GALNT13: variants seen among roughly 807,000 people sequenced by gnomAD.
GALNT13 encodes the protein polypeptide N-acetylgalactosaminyltransferase 13.
A neutral mutation model predicts 64.2 loss-of-function variants in GALNT13; 28 were observed. The observed-to-expected ratio is 0.44, with a 90% CI of 0.32 to 0.60. The LOEUF (loss-of-function observed/expected upper bound fraction) is 0.60, where lower values mean the gene tolerates loss of function less well. GALNT13 is among the 20% of genes least tolerant of loss of function. The probability of loss-of-function intolerance (pLI) is 0.05; values close to 1 mark genes in which losing one functional copy is unlikely to be tolerated. For missense variants in GALNT13, 577 were observed against 669.8 expected, an observed-to-expected ratio of 0.86 and a Z score of 1.53; for synonymous variants, 214 against 224.6, an observed-to-expected ratio of 0.95 and a Z score of 0.42.
At chr2:153,598,824 T>C in the GALNT13 span, among the ~76,000 whole-genome samples, 35 of 152,026 alleles carry the variant, frequency 2.3e-4, no homozygotes, top group Middle Eastern at 3.2e-3. Context: ...AGAAAGAGGG[T>C]TTTATTCAAT....
intron 8 of GALNT13, among the ~76,000 whole-genome samples, chr2:154,293,656 A>G (rs909587783): frequency 1.3e-5 from 2 of 152,156 alleles, no homozygotes; most frequent in African/African-American, 4.8e-5. Flanking sequence ...AAGTATACAT[A>G]GCATGTGACA....
chr2:153,436,402 G>T, the GALNT13 span, among the ~76,000 whole-genome samples: 1 of 152,286 alleles, frequency 6.6e-6, no homozygotes, highest in East Asian at 1.9e-4. Context: ...CAGGAGGAAT[G>T]GTACCAGTTC....
chr2:153,571,145 T>C, the GALNT13 span, among the ~76,000 whole-genome samples: 1 of 152,014 alleles, frequency 6.6e-6, no homozygotes, highest in Non-Finnish European at 1.5e-5. Flanking sequence ...ATCAGTATTT[T>C]ACAGTTTTAA....
At chr2:153,121,570 T>C in the GALNT13 span, among the ~76,000 whole-genome samples, 73 of 152,302 alleles carry the variant, frequency 4.8e-4, no homozygotes, top group South Asian at 5.8e-3. Context: ...CTCACTCTGT[T>C]GCCCAGGCTG....
chr2:154,135,424 T>G (rs1438298116), intron 3 of GALNT13, among the ~76,000 whole-genome samples: 1 of 152,198 alleles, frequency 6.6e-6, no homozygotes, highest in African/African-American at 2.4e-5. Flanking sequence ...GGCTTGCTAT[T>G]TACAACTTTC....
At chr2:153,448,157 T>C in the GALNT13 span, among the ~76,000 whole-genome samples, 1 of 152,166 alleles carries the variant, frequency 6.6e-6, no homozygotes, top group African/African-American at 2.4e-5. Context: ...AGGGTACTGA[T>C]ATGGATAAAA....
intron 4 of GALNT13, among the ~76,000 whole-genome samples, chr2:154,145,777 T>G (rs1020278951): frequency 6.6e-6 from 1 of 151,962 alleles, no homozygotes; most frequent in Non-Finnish European, 1.5e-5. Flanking sequence ...AAAGTAGGAA[T>G]AAGACATAGT....
the GALNT13 span, among the ~76,000 whole-genome samples, chr2:153,194,127 T>C: frequency 6.6e-6 from 1 of 152,184 alleles, no homozygotes; most frequent in Non-Finnish European, 1.5e-5. Context: ...TATCTGTATG[T>C]CTAAATCCTT....
At chr2:153,682,685 G>C in the GALNT13 span, among the ~76,000 whole-genome samples, 2 of 151,726 alleles carry the variant, frequency 1.3e-5, no homozygotes, top group Non-Finnish European at 2.9e-5. Context: ...TGATGGCTTA[G>C]TTGTTATCTT....
chr2:153,471,690 T>C, the GALNT13 span, among the ~76,000 whole-genome samples: 1 of 152,210 alleles, frequency 6.6e-6, no homozygotes. Context: ...TTCAAGCCTA[T>C]GCAATACATA....
chr2:153,799,847 A>G, the GALNT13 span, among the ~76,000 whole-genome samples: 10 of 152,234 alleles, frequency 6.6e-5, no homozygotes, highest in Non-Finnish European at 1.5e-5. Flanking sequence ...GAGTCCTGAA[A>G]TGAGGAAATG....
Position 153,979,232 on chromosome 2 carries a change from T to C in GALNT13, c.142+34593T>C, listed in dbSNP as rs116912490. On this transcript the variant is annotated intron_variant, in intron 3 of 12. Transcript: ENST00000392825. ...ATAATGAATTACCCCAAATCAATAG[T>C]GTTGTACTTTGAGGATGGTTGTTTT... Among the ~76,000 whole-genome samples, 106 of 152,280 alleles carry C rather than the reference T, an allele frequency of 7.0e-4. 2 individuals carry two copies. In the East Asian group the frequency reaches 0.016, roughly 23 times the overall value.
chr2:153,263,983 A>G, the GALNT13 span, among the ~76,000 whole-genome samples: 1 of 152,214 alleles, frequency 6.6e-6, no homozygotes, highest in African/African-American at 2.4e-5. Flanking sequence ...TGCACAGAAA[A>G]CAAAGCTATC....
rs559437014 is a variant in GALNT13, at chr2:154,101,227, G to C, written c.143-39110G>C. On this transcript the variant is annotated intron_variant, in intron 3 of 12. Coordinates refer to ENST00000392825, the MANE Select transcript of GALNT13 (RefSeq NM_052917.4). ...TGGTGATACTGGATTTGCAGACTGAGTTAGGAAGGAATGTTTCCTCCTCAA... is the reference window on the plus strand; with the variant it reads ...TGGTGATACTGGATTTGCAGACTGACTTAGGAAGGAATGTTTCCTCCTCAA... Among the ~76,000 whole-genome samples the C allele has an allele frequency of 5.5e-4, 84 of 152,056 alleles. 1 individual carries two copies. In the South Asian group the frequency reaches 0.017, roughly 31 times the overall value.
chr2:153,378,255 TATAGATAGATAGATAG>T, the GALNT13 span, among the ~76,000 whole-genome samples: 21,810 of 143,588 alleles, frequency 0.15, 1,716 homozygotes, highest in African/African-American at 0.19. Context: ...TTTAGAACAT[TATAGATAGATAGATAG>T]ATAGATAGAT....
the GALNT13 span, among the ~76,000 whole-genome samples, chr2:153,622,608 T>A: frequency 6.6e-6 from 1 of 151,646 alleles, no homozygotes; most frequent in African/African-American, 2.4e-5. Flanking sequence ...ATTTCATAAT[T>A]TTTTTCTAGA....
chr2:153,819,319 A>G, the GALNT13 span, among the ~76,000 whole-genome samples: 4 of 152,286 alleles, frequency 2.6e-5, no homozygotes, highest in East Asian at 3.9e-4. Context: ...TGTCAATCAC[A>G]TTGTGGTCCA....
chr2:154,039,779 C>T (rs1210428597), intron 3 of GALNT13, among the ~76,000 whole-genome samples: 1 of 138,946 alleles, frequency 7.2e-6, no homozygotes, highest in Non-Finnish European at 1.7e-5. Context: ...TAAATGCCTC[C>T]TACAAAAAGA....
chr2:153,353,800 A>G, the GALNT13 span, among the ~76,000 whole-genome samples: 4 of 152,112 alleles, frequency 2.6e-5, no homozygotes, highest in South Asian at 8.3e-4. Flanking sequence ...AATAATTGCT[A>G]CTTAGTTGTG....
Sources: gnomAD v4.1 joint callset for allele counts (sites outside exome capture counted in the v4.1 genomes callset) on GRCh38, gnomAD v4.1.1 for gene constraint, MANE v1.5 for transcripts, NCBI Gene and HGNC (gene_info 2026-07-23, HGNC 2026-07-21) for gene names.